CNBD1: variants seen among roughly 807,000 people sequenced by gnomAD.
CNBD1 encodes the protein cyclic nucleotide-binding domain-containing protein 1.
A neutral mutation model predicts 54.4 loss-of-function variants in CNBD1; 71 were observed. The observed-to-expected ratio is 1.30, with a 90% CI of 1.08 to 1.59. The LOEUF is 1.59. CNBD1 is among the 40% of genes most tolerant of loss of function. The pLI is 0.00. For missense variants in CNBD1, 659 were observed against 518.0 expected (o/e 1.27, Z -2.64); for synonymous variants, 182 against 170.7 (o/e 1.07, Z -0.51).
intron 4 of CNBD1, among the ~76,000 whole-genome samples, chr8:87,172,928 G>T (rs574483644): frequency 1.3e-5 from 2 of 151,592 alleles, no homozygotes; most frequent in South Asian, 2.1e-4. Context: ...TTTGTTTTCC[G>T]GTTATTTTGT....
chr8:87,145,820 A>G (rs1194094364), intron 4 of CNBD1, among the ~76,000 whole-genome samples: 2 of 152,102 alleles, frequency 1.3e-5, no homozygotes, highest in African/African-American at 2.4e-5. Context: ...ATTTCAGTTC[A>G]TGGTGTACCA....
chr8:87,359,700 G>A (rs1810491128), intron 10 of CNBD1, among the ~76,000 whole-genome samples: 2 of 152,008 alleles, frequency 1.3e-5, no homozygotes, highest in Admixed American at 6.6e-5. Flanking sequence ...CAGGACTCAA[G>A]AGAAAGTAAA....
chr8:86,988,645 A>G (rs946135950), intron 4 of CNBD1, among the ~76,000 whole-genome samples: 32 of 151,944 alleles, frequency 2.1e-4, no homozygotes, highest in Non-Finnish European at 4.1e-4. Context: ...ATCTAACTAT[A>G]TTTTCGTATC....
chr8:86,925,258 C>T (rs763360909), intron 3 of CNBD1, among the ~76,000 whole-genome samples: 42 of 152,104 alleles, frequency 2.8e-4, no homozygotes, highest in Non-Finnish European at 5.4e-4. Context: ...ATAGTTATTT[C>T]CCTCGTTTGG....
intron 4 of CNBD1, among the ~76,000 whole-genome samples, chr8:86,962,674 T>C (rs1336668592): frequency 6.6e-6 from 1 of 151,804 alleles, no homozygotes; most frequent in African/African-American, 2.4e-5. Context: ...TAGTCCCAGC[T>C]ATTCGAGAGG....
chr8:87,354,855 C>T (rs758243727), intron 10 of CNBD1, among the ~76,000 whole-genome samples: 11 of 151,568 alleles, frequency 7.3e-5, no homozygotes, highest in African/African-American at 1.5e-4. Flanking sequence ...TGAATAGTGC[C>T]GCAATAACAT....
chr8:86,914,905 G>GA (rs1191545356), intron 3 of CNBD1, among the ~76,000 whole-genome samples: 1 of 152,164 alleles, frequency 6.6e-6, no homozygotes, highest in African/African-American at 2.4e-5. Flanking sequence ...GTCTAGCATA[G>GA]AAAAAAGATT....
chr8:87,272,144 T>C (rs1808380845), intron 6 of CNBD1, among the ~76,000 whole-genome samples: 1 of 151,830 alleles, frequency 6.6e-6, no homozygotes, highest in African/African-American at 2.4e-5. Context: ...AAATACACAC[T>C]TAGAATAAAT....
chr8:86,996,757 C>G (rs13282574), intron 4 of CNBD1, among the ~76,000 whole-genome samples: 1,607 of 152,190 alleles, frequency 0.011, 18 homozygotes, highest in South Asian at 0.048. Flanking sequence ...CTACTTTAGC[C>G]CATTTGGGCT....
At chr8:87,319,411 C>T (rs1809471685) in intron 8 of CNBD1, among the ~76,000 whole-genome samples, 1 of 152,042 alleles carries the variant, frequency 6.6e-6, no homozygotes, top group Non-Finnish European at 1.5e-5. Flanking sequence ...GTAATGAATA[C>T]AATTCTCTTC....
intron 2 of CNBD1, among the ~76,000 whole-genome samples, chr8:86,892,768 A>C (rs890559703): frequency 6.6e-6 from 1 of 152,148 alleles, no homozygotes; most frequent in East Asian, 1.9e-4. Context: ...TTGTTTCAAA[A>C]TATCTTACTT....
chr8:87,318,380 G>T (rs1809445445), intron 8 of CNBD1, among the ~76,000 whole-genome samples: 1 of 152,014 alleles, frequency 6.6e-6, no homozygotes, highest in African/African-American at 2.4e-5. Flanking sequence ...ATATGTTCTT[G>T]TCTTGCTTTT....
At position 87,163,473 on chromosome 8, in the gene CNBD1, T is replaced by C. The variant is rs1175339714; in HGVS notation, c.432-42520T>C. On this transcript the variant is annotated intron_variant, in intron 4 of 10. Transcript: ENST00000518476. This position sits in a 1 kb window ranked among gnomAD's most constrained non-coding sequence, Gnocchi z 4.5. ...GAATACAAGGTATCTTTCCATTTATTTGTGTCTTCTTCAATTTCCTATTCA... is the reference window on the plus strand; with the variant it reads ...GAATACAAGGTATCTTTCCATTTATCTGTGTCTTCTTCAATTTCCTATTCA... Among the ~76,000 whole-genome samples the C allele has an allele frequency of 6.6e-6, 1 of 152,036 alleles. No homozygotes were observed. The highest frequency in any genetic ancestry group is 2.4e-5 in the African/African-American group (1 of 41,446).
At chr8:86,981,557 C>A (rs1053350304) in intron 4 of CNBD1, among the ~76,000 whole-genome samples, 1 of 152,150 alleles carries the variant, frequency 6.6e-6, no homozygotes, top group Non-Finnish European at 1.5e-5. Context: ...AATCAAGAGA[C>A]AGAGTTTTAT....
chr8:86,972,934 A>G (rs1267536026), intron 4 of CNBD1, among the ~76,000 whole-genome samples: 2 of 152,160 alleles, frequency 1.3e-5, no homozygotes, highest in African/African-American at 4.8e-5. Flanking sequence ...CTTACAGACA[A>G]CTTCTTGCTG....
chr8:87,060,621 A>T (rs1033368823), intron 4 of CNBD1, among the ~76,000 whole-genome samples: 39 of 152,304 alleles, frequency 2.6e-4, no homozygotes, highest in African/African-American at 9.4e-4. Flanking sequence ...GGAAAGCTAA[A>T]ATAAAGCATT....
chr8:87,384,357 C>T (rs748746172), downstream of CNBD1, among the ~76,000 whole-genome samples: 96 of 151,910 alleles, frequency 6.3e-4, 1 homozygote, highest in Non-Finnish European at 8.1e-4. Flanking sequence ...ATGAAACTTA[C>T]ATTATATTGG....
At chr8:86,867,166 G>T (rs905141906) in intron 1 of CNBD1, among the ~76,000 whole-genome samples, 1 of 152,040 alleles carries the variant, frequency 6.6e-6, no homozygotes. Flanking sequence ...TATGTAATTA[G>T]TCTAAACCTA....
chr8:87,379,630 G>A (rs1246243944), intron 10 of CNBD1, among the ~76,000 whole-genome samples: 1 of 151,838 alleles, frequency 6.6e-6, no homozygotes, highest in Non-Finnish European at 1.5e-5. Context: ...GAAAACATTA[G>A]CAAATAATGT....
Sources: allele counts gnomAD v4.1 joint callset (sites outside exome capture counted in the v4.1 genomes callset), GRCh38; gene constraint gnomAD v4.1.1; non-coding constraint Gnocchi (gnomAD v3.1); transcripts MANE v1.5; gene names NCBI Gene and HGNC (gene_info 2026-07-23, HGNC 2026-07-21).